TRIM27: variants seen among roughly 807,000 people sequenced by gnomAD.
TRIM27 encodes zinc finger protein RFP.
Under a neutral mutation model 57.6 loss-of-function variants are expected in TRIM27, and 12 were observed. The ratio of observed to expected loss-of-function variants is 0.21; its 90% confidence interval spans 0.13 to 0.34. The LOEUF is 0.34. TRIM27 is among the 10% of genes least tolerant of loss of function. TRIM27 has a pLI of 1.00. For missense variants in TRIM27, 403 were observed against 656.8 expected (o/e 0.61, Z 4.22); for synonymous variants, 266 against 259.0 (o/e 1.03, Z -0.26).
In TRIM27 at chr6:28,923,300, C is replaced by G. The variant is rs1445564278; in HGVS notation, c.333G>C (p.Gln111His). The change falls in exon 1 of 8, where the codon CAG (glutamine) becomes CAC (histidine). Residue 111 changes from glutamine (Q) to histidine (H), a missense_variant. Physicochemically the swap from Gln to His is conservative, Grantham distance 24 (BLOSUM62 0). Transcript: ENST00000377199. ...GGTCGCACACCACGCAGATGGGCATCTGGTCCTCCTCGCAGTACAGCTTCA... is the reference window on the plus strand; with the variant it reads ...GGTCGCACACCACGCAGATGGGCATGTGGTCCTCCTCGCAGTACAGCTTCA... ...EPLKLYCEED[Q>H]MPICVVCDRS... 1 of 1,612,390 alleles carries G rather than the reference C, an allele frequency of 6.2e-7. No individual in the cohort carries two copies. The highest frequency in any genetic ancestry group is 8.5e-7 in the Non-Finnish European group (1 of 1,179,714).
At chr6:28,918,134 G>A (rs1473595319) in intron 3 of TRIM27, among the ~76,000 whole-genome samples, 2 of 152,052 alleles carry the variant, frequency 1.3e-5, no homozygotes. Context: ...CCAGTATATG[G>A]TTTCTTGTGG....
intron 3 of TRIM27, among the ~76,000 whole-genome samples, chr6:28,919,200 G>A (rs1377631387): frequency 2.6e-5 from 4 of 152,038 alleles, no homozygotes; most frequent in South Asian, 2.1e-4. Flanking sequence ...TAGTAGAGAC[G>A]GGGTTTCCCC....
At chr6:28,915,490 T>TC (rs773372394) in intron 3 of TRIM27, among the ~76,000 whole-genome samples, 17 of 151,936 alleles carry the variant, frequency 1.1e-4, no homozygotes, top group Non-Finnish European at 1.6e-4. Context: ...GTGCCTGTAA[T>TC]CCCAGCTACT....
At chr6:28,921,302 A>G (rs1434810366) in intron 2 of TRIM27, among the ~76,000 whole-genome samples, 1 of 151,996 alleles carries the variant, frequency 6.6e-6, no homozygotes, top group African/African-American at 2.4e-5. Flanking sequence ...AATCGCTTGA[A>G]CTGGGAGGCA....
chr6:28,908,872 T>G (rs1772970362), intron 5 of TRIM27, 32 bp from the exon 6 acceptor site: 1 of 1,612,550 alleles, frequency 6.2e-7, no homozygotes, highest in Non-Finnish European at 8.5e-7. Context: ...ATATTCAGTC[T>G]GCATCCCACT....
chr6:28,917,083 GGTGA>G (rs1773664970), intron 3 of TRIM27, among the ~76,000 whole-genome samples: 1 of 149,238 alleles, frequency 6.7e-6, no homozygotes, highest in East Asian at 2.0e-4. Context: ...TCAAGGCTGC[GGTGA>G]GCCATGATCA....
At position 28,903,756 on chromosome 6, in the gene TRIM27, TTGAA is replaced by T; in HGVS notation, c.*310_*313del. The T allele has an allele frequency of 3.4e-5, 13 of 378,334 alleles. No homozygotes were observed. Among genetic ancestry groups the T allele is most frequent in the South Asian group, 1.3e-4 (2 of 15,724 alleles). The allele number at this position is 378,334 out of a possible 1,614,324, so 23.4% of individuals were successfully genotyped here. A position where few individuals can be genotyped will look rare whatever the true frequency, so the allele number is the denominator to read the frequency against. On this transcript the variant is annotated 3_prime_UTR_variant, in exon 8 of 8. Coordinates refer to ENST00000377199, the MANE Select transcript of TRIM27 (RefSeq NM_006510.5). ...GCTGAGCCAAGAAGCTGGAAGTATC[TTGAA>T]CGGCTCTCCAAATCCAAAGATTATC... is the stretch of plus-strand genomic sequence containing the variant.
chr6:28,903,556 C>G lies in TRIM27; in HGVS notation c.*514G>C, dbSNP rs1041996696. On this transcript the variant is annotated 3_prime_UTR_variant, in exon 8 of 8. Transcript: ENST00000377199. ...GGCTTCTTTAATGGAGTTAATAAAA[C>G]TATGGCACATTGGGAATCAGGGGCA... 1 of 236,506 alleles carries G rather than the reference C, an allele frequency of 4.2e-6. No individual in the cohort carries two copies. The highest frequency in any genetic ancestry group is 2.2e-5 in the African/African-American group (1 of 45,414). 14.7% of individuals were successfully genotyped at this position (236,506 alleles called of 1,614,324 possible). A position where few individuals can be genotyped will look rare whatever the true frequency, so the allele number is the denominator to read the frequency against.
At chr6:28,915,942 A>C (rs1233594602) in intron 3 of TRIM27, among the ~76,000 whole-genome samples, 1 of 152,102 alleles carries the variant, frequency 6.6e-6, no homozygotes, top group African/African-American at 2.4e-5. Flanking sequence ...TTTGAGATGG[A>C]GTCTCATTCT....
chr6:28,910,122 T>TA (rs1773074924), intron 4 of TRIM27, among the ~76,000 whole-genome samples: 2 of 13,878 alleles, frequency 1.4e-4, no homozygotes, highest in Non-Finnish European at 1.4e-4. Flanking sequence ...AAAAGAAAAA[T>TA]GAAAAAAAAA....
intron 2 of TRIM27, among the ~76,000 whole-genome samples, chr6:28,920,811 G>C (rs1773966735): frequency 1.3e-5 from 2 of 152,250 alleles, no homozygotes; most frequent in East Asian, 1.9e-4. Context: ...TGTCACACAG[G>C]AAAGTGACAG....
chr6:28,905,881 A>G (rs1772733948), intron 7 of TRIM27: 1 of 152,218 alleles, frequency 6.6e-6, no homozygotes, highest in Non-Finnish European at 1.5e-5. Flanking sequence ...TCTGGCATTT[A>G]GTATTACAGC....
chr6:28,919,756 G>A (rs2150489243), intron 3 of TRIM27, among the ~76,000 whole-genome samples: 1 of 152,348 alleles, frequency 6.6e-6, no homozygotes, highest in East Asian at 1.9e-4. Flanking sequence ...CCACTTGTCA[G>A]TGCTGTGTAG....
rs143247452 is a variant in TRIM27 at position 28,923,790 on chromosome 6, C to A, written c.-158G>T. ...CCCGTATCCCAGACGCGCCCGCGCACCGAAGGCTTGGAGTGGCCGGGCCGA... is the reference window on the plus strand; with the variant it reads ...CCCGTATCCCAGACGCGCCCGCGCAACGAAGGCTTGGAGTGGCCGGGCCGA... On this transcript the variant is annotated 5_prime_UTR_variant, in exon 1 of 8. Transcript: ENST00000377199. 9.8e-6 allele frequency: 8 copies of A among 818,362 alleles called. No homozygotes were observed. In the African/African-American group the frequency reaches 1.3e-4, roughly 13 times the overall value. 50.7% of individuals were successfully genotyped at this position (818,362 alleles called of 1,614,324 possible).
chr6:28,903,179 C>T lies in TRIM27; in HGVS notation c.*891G>A, dbSNP rs1207656334. The stretch of plus-strand genomic sequence containing the variant: ...TGCCCCTTGATAGGATGCACTTAAG[C>T]ATGGTCAATTCCCCCTTCCCCCAAA... On this transcript the variant is annotated 3_prime_UTR_variant, in exon 8 of 8. Coordinates refer to ENST00000377199, the MANE Select transcript of TRIM27 (RefSeq NM_006510.5). The T allele has an allele frequency of 4.3e-6, 1 of 232,462 alleles. No individual in the cohort carries two copies. Among genetic ancestry groups the T allele is most frequent in the Non-Finnish European group, 8.5e-6 (1 of 117,586 alleles). The allele number at this position is 232,462 out of a possible 1,614,324, so 14.4% of individuals were successfully genotyped here. A position where few individuals can be genotyped will look rare whatever the true frequency, so the allele number is the denominator to read the frequency against.
At chr6:28,916,274 C>T (rs1451274159) in intron 3 of TRIM27, among the ~76,000 whole-genome samples, 4 of 150,960 alleles carry the variant, frequency 2.6e-5, no homozygotes, top group Non-Finnish European at 3.0e-5. Context: ...AGTGATAGGC[C>T]GGGCGTGGTG....
chr6:28,923,353 C>G lies in TRIM27; in HGVS notation c.280G>C (p.Gly94Arg). 6.2e-7 allele frequency: 1 copy of G among 1,611,912 alleles called. No homozygotes were observed. Among genetic ancestry groups the G allele is most frequent in the South Asian group, 1.1e-5 (1 of 91,056 alleles). The change falls in exon 1 of 8, where the codon GGC (glycine) becomes CGC (arginine). Residue 94 changes from glycine to arginine, a missense_variant. Coordinates refer to ENST00000377199, the MANE Select transcript of TRIM27 (RefSeq NM_006510.5). ...ERPSGPGGEM[G>R]VCEKHREPLK... is the part of the protein sequence containing the mutation. Reference sequence around the variant, plus strand: ...GGCTCGCGGTGCTTCTCGCACACGCCCATCTCGCCGCCGGGCCCCGACGGC... The same window carrying G: ...GGCTCGCGGTGCTTCTCGCACACGCGCATCTCGCCGCCGGGCCCCGACGGC...
chr6:28,908,493 G>A (rs1772941051), intron 6 of TRIM27: 8 of 356,096 alleles, frequency 2.2e-5, no homozygotes, highest in Non-Finnish European at 3.1e-5. Context: ...CAAGTGAAAC[G>A]TATCCAAGGT....
rs1772964144 is a variant in TRIM27, at chr6:28,908,793, G to A, written c.919+15C>T. 6.2e-7 allele frequency: 1 copy of A among 1,613,060 alleles called. No individual in the cohort carries two copies. The highest frequency in any genetic ancestry group is 8.5e-7 in the Non-Finnish European group (1 of 1,179,218). On this transcript the variant is annotated intron_variant, in intron 6 of 7. Coordinates refer to ENST00000377199, the MANE Select transcript of TRIM27 (RefSeq NM_006510.5). ...GCAACTTTACATCAAAAGCCCAGTA[G>A]GTAGATAAATTTACCTTGGATTTTC...
Sources: gnomAD v4.1 joint callset for allele counts (sites outside exome capture counted in the v4.1 genomes callset) on GRCh38, gnomAD v4.1.1 for gene constraint, MANE v1.5 for transcripts, NCBI Gene and HGNC (gene_info 2026-07-23, HGNC 2026-07-21) for gene names.